The following TMEM217 variants were observed in gnomAD, a reference collection of about 807,000 sequenced individuals.
TMEM217 encodes chromosome 6 open reading frame 128.
For synonymous variants in TMEM217, 76 were observed against 88.3 expected, an observed-to-expected ratio of 0.86 and a Z score of 0.78; for missense variants, 204 against 248.8, an observed-to-expected ratio of 0.82 and a Z score of 1.21.
exon 2 of TMEM217, chr6:37,218,553 C>T (rs147803983): frequency 6.2e-7 from 1 of 1,613,984 alleles, no homozygotes; most frequent in African/African-American, 1.3e-5. Context: ...ATTATATTGC[C>T]CTGGCTCCGG....
chr6:37,237,298 G>A (rs1029374590), intron 1 of TMEM217, among the ~76,000 whole-genome samples: 5 of 152,158 alleles, frequency 3.3e-5, no homozygotes, highest in Non-Finnish European at 5.9e-5. Context: ...ATATTCACAA[G>A]TGAATTGACA....
chr6:37,215,570 C>CAAAAAAAAAAAAAAAAAAAAAAA (rs34808595), downstream of TMEM217, among the ~76,000 whole-genome samples: 3 of 72,376 alleles, frequency 4.1e-5, no homozygotes, highest in African/African-American at 1.8e-4. Context: ...GACTCTGTCT[C>CAAAAAAAAAAAAAAAAAAAAAAA]AAAAAAAAAA....
chr6:37,228,953 T>C (rs544326148), intron 1 of TMEM217, among the ~76,000 whole-genome samples: 2 of 150,582 alleles, frequency 1.3e-5, no homozygotes, highest in African/African-American at 4.9e-5. Context: ...GCCGAGATTG[T>C]GCCACTGCAC....
At chr6:37,217,684 A>G in exon 2 of TMEM217, 1 of 985,334 alleles carries the variant, frequency 1.0e-6, no homozygotes. Context: ...CTGGAATAAA[A>G]CAGAAGACAC....
At chr6:37,234,402 T>C (rs1414921940) in intron 1 of TMEM217, among the ~76,000 whole-genome samples, 1 of 152,180 alleles carries the variant, frequency 6.6e-6, no homozygotes, top group African/African-American at 2.4e-5. Context: ...GCCTTGCCAC[T>C]TAGATGCATT....
At chr6:37,244,393 G>T (rs577827586) in intron 1 of TMEM217, among the ~76,000 whole-genome samples, 5 of 152,194 alleles carry the variant, frequency 3.3e-5, no homozygotes, top group Non-Finnish European at 7.4e-5. Flanking sequence ...GAGAAAAACC[G>T]TAAACTTCTA....
chr6:37,252,614 T>TAC (rs1282774258), intron 1 of TMEM217, among the ~76,000 whole-genome samples: 4 of 89,398 alleles, frequency 4.5e-5, no homozygotes, highest in Admixed American at 1.4e-4. Context: ...TGTGTATGTG[T>TAC]GTGTATATAT....
At chr6:37,242,280 AGG>A (rs1764806329) in intron 1 of TMEM217, among the ~76,000 whole-genome samples, 1 of 152,194 alleles carries the variant, frequency 6.6e-6, no homozygotes, top group Non-Finnish European at 1.5e-5. Context: ...AGTCAAACAC[AGG>A]CCCCCACGGT....
chr6:37,253,658 C>T (rs1039405154), intron 1 of TMEM217, among the ~76,000 whole-genome samples: 1 of 152,126 alleles, frequency 6.6e-6, no homozygotes, highest in Non-Finnish European at 1.5e-5. Context: ...TTAACCCTTC[C>T]CCTCATCACA....
chr6:37,245,369 T>C (rs1583483564), intron 1 of TMEM217, among the ~76,000 whole-genome samples: 2 of 152,246 alleles, frequency 1.3e-5, no homozygotes, highest in Non-Finnish European at 2.9e-5. Context: ...TCTCCCAAAC[T>C]GGGGGTTGCT....
chr6:37,215,833 G>A (rs188160354), downstream of TMEM217, among the ~76,000 whole-genome samples: 3 of 152,274 alleles, frequency 2.0e-5, no homozygotes, highest in East Asian at 5.8e-4. Flanking sequence ...CAAAGGGGTA[G>A]GCACAGGGAT....
intron 1 of TMEM217, among the ~76,000 whole-genome samples, chr6:37,244,582 T>C (rs570792811): frequency 8.5e-5 from 13 of 152,240 alleles, no homozygotes; most frequent in Non-Finnish European, 1.9e-4. Flanking sequence ...AAGCAACAAG[T>C]GCCAACTCTT....
intron 1 of TMEM217, among the ~76,000 whole-genome samples, chr6:37,231,711 C>T (rs1289020241): frequency 6.8e-6 from 1 of 146,792 alleles, no homozygotes; most frequent in Non-Finnish European, 1.5e-5. Flanking sequence ...GCTCATGCTG[C>T]CTGGGTGTTT....
At chr6:37,253,613 A>G (rs994394513) in intron 1 of TMEM217, among the ~76,000 whole-genome samples, 1 of 152,178 alleles carries the variant, frequency 6.6e-6, no homozygotes, top group African/African-American at 2.4e-5. Flanking sequence ...AACATTGCAC[A>G]GTGCATTGTG....
chr6:37,229,326 C>T (rs1001485204), intron 1 of TMEM217, among the ~76,000 whole-genome samples: 10 of 111,614 alleles, frequency 9.0e-5, no homozygotes, highest in African/African-American at 3.1e-4. Flanking sequence ...GTCTCCCTAG[C>T]AACTTTCAGT....
intron 1 of TMEM217, among the ~76,000 whole-genome samples, chr6:37,225,007 T>A (rs1312133258): frequency 2.0e-4 from 29 of 148,342 alleles, no homozygotes; most frequent in Non-Finnish European, 3.1e-4. Flanking sequence ...GGCCCATCTC[T>A]ATAAAAAAAA....
rs891464626 is a variant in TMEM217, at chr6:37,219,898, G to A, written c.-11-857C>T. Among the ~76,000 whole-genome samples the A allele has an allele frequency of 2.6e-5, 4 of 152,082 alleles. No homozygotes were observed. In the East Asian group the frequency reaches 5.8e-4, roughly 22 times the overall value. ...TTGGGTGGAGATGATAAAAACAGGTGGACACCAACTGGCTTTGGGCAATCG... is the reference window on the plus strand; with the variant it reads ...TTGGGTGGAGATGATAAAAACAGGTAGACACCAACTGGCTTTGGGCAATCG... On this transcript the variant is annotated intron_variant, in intron 1 of 1. Transcript: ENST00000357219.
chr6:37,215,399 AC>A, downstream of TMEM217: 7 of 1,242,540 alleles, frequency 5.6e-6, no homozygotes, highest in Non-Finnish European at 7.5e-6. Flanking sequence ...ACATGGTGAA[AC>A]CCCATCTCTA....
At chr6:37,216,030 TGTGA>T (rs764117254), downstream of TMEM217, among the ~76,000 whole-genome samples, 153 of 128,202 alleles carry the variant, frequency 1.2e-3, 1 homozygote, top group Admixed American at 3.1e-3. Context: ...TGTGTGTGTG[TGTGA>T]GAAACAGATA....
Sources: allele counts gnomAD v4.1 joint callset (sites outside exome capture counted in the v4.1 genomes callset), GRCh38; gene constraint gnomAD v4.1.1; transcripts MANE v1.5; gene names NCBI Gene and HGNC (gene_info 2026-07-23, HGNC 2026-07-21).